The following ADGRL2 variants were observed in gnomAD, a reference collection of about 807,000 sequenced individuals.
ADGRL2 encodes calcium-independent alpha-latrotoxin receptor 2.
A neutral mutation model predicts 157.4 loss-of-function variants in ADGRL2; 44 were observed. The observed-to-expected ratio is 0.28, with a 90% CI of 0.22 to 0.36. ADGRL2 has a LOEUF of 0.36. Ranked by LOEUF, ADGRL2 falls within the 10% of genes least tolerant of loss-of-function variation. ADGRL2 has a pLI of 1.00. For synonymous variants in ADGRL2, 585 were observed against 624.7 expected (o/e 0.94, Z 0.95); for missense variants, 1,510 against 1,768.9 (o/e 0.85, Z 2.63).
intron 1 of ADGRL2, among the ~76,000 whole-genome samples, chr1:81,333,439 G>A (rs570650452): frequency 4.6e-5 from 7 of 151,070 alleles, no homozygotes; most frequent in East Asian, 3.9e-4. Context: ...TTTTTGAGAC[G>A]GAGTCTCACT....
chr1:81,834,390 G>A (rs17107277), intron 1 of ADGRL2, among the ~76,000 whole-genome samples: 2,710 of 152,192 alleles, frequency 0.018, 74 homozygotes, highest in African/African-American at 0.062. Flanking sequence ...GAATTTGAAG[G>A]ACAAATGTTA....
At chr1:81,662,165 C>T (rs191961471) in intron 3 of ADGRL2, among the ~76,000 whole-genome samples, 15 of 151,844 alleles carry the variant, frequency 9.9e-5, no homozygotes, top group Non-Finnish European at 2.1e-4. Flanking sequence ...TCCAGTTATA[C>T]TCTTTAAGTT....
intron 17 of ADGRL2, among the ~76,000 whole-genome samples, chr1:81,974,949 G>A (rs1321375370): frequency 6.6e-6 from 1 of 151,548 alleles, no homozygotes; most frequent in African/African-American, 2.4e-5. Flanking sequence ...CTTTGTCAGT[G>A]GGAGAGAAAA....
intron 2 of ADGRL2, among the ~76,000 whole-genome samples, chr1:81,841,045 G>A (rs560104365): frequency 6.6e-6 from 1 of 152,214 alleles, no homozygotes; most frequent in Admixed American, 6.5e-5. Flanking sequence ...ACACATGAAG[G>A]CTTGCTCAAG....
rs1249405602 is a variant in ADGRL2 at position 81,993,425 on chromosome 1, T to C, written c.*2280T>C. ...AGAGTCAGGCTGGTTCAGTAATAAA[T>C]TTTTTTAAAGGCAACACTGATTATT... On this transcript the variant is annotated 3_prime_UTR_variant, in exon 24 of 24. Coordinates refer to ENST00000686636, the MANE Select transcript of ADGRL2 (RefSeq NM_001366006.2). Among the ~76,000 whole-genome samples the C allele has an allele frequency of 2.0e-5, 3 of 151,930 alleles. No homozygotes were observed. The highest frequency in any genetic ancestry group is 7.3e-5 in the African/African-American group (3 of 41,340).
At chr1:81,381,770 T>C (rs919801873) in intron 1 of ADGRL2, among the ~76,000 whole-genome samples, 2 of 152,170 alleles carry the variant, frequency 1.3e-5, no homozygotes, top group Non-Finnish European at 2.9e-5. Flanking sequence ...AATTAAACCT[T>C]ATGTGGTTGT....
intron 2 of ADGRL2, among the ~76,000 whole-genome samples, chr1:81,461,927 G>A (rs4515836): frequency 2.5e-5 from 1 of 39,544 alleles, no homozygotes; most frequent in Admixed American, 2.7e-4. Flanking sequence ...AAGAAAAGAA[G>A]AAAGGGGGGG....
At chr1:81,803,755 C>T (rs1364098650) in intron 1 of ADGRL2, among the ~76,000 whole-genome samples, 2 of 152,160 alleles carry the variant, frequency 1.3e-5, no homozygotes, top group African/African-American at 4.8e-5. Context: ...CTCTTCCCCA[C>T]CCCGCCCTCA....
chr1:81,643,813 G>A (rs751485925), intron 3 of ADGRL2, among the ~76,000 whole-genome samples: 5 of 152,202 alleles, frequency 3.3e-5, no homozygotes, highest in Admixed American at 1.3e-4. Flanking sequence ...TTGCCAAGAT[G>A]TCAGTTCTTC....
chr1:81,529,144 G>C (rs1433675306), intron 2 of ADGRL2, among the ~76,000 whole-genome samples: 2 of 152,240 alleles, frequency 1.3e-5, no homozygotes, highest in Admixed American at 1.3e-4. Flanking sequence ...TGCTGTTTGA[G>C]GGAGCTAACC....
At chr1:81,514,487 A>G (rs1375061183) in intron 2 of ADGRL2, 1 of 152,206 alleles carries the variant, frequency 6.6e-6, no homozygotes, top group East Asian at 1.9e-4. Context: ...TGGCTATCCC[A>G]TTTCTAAATC....
chr1:81,722,291 T>TAAA, intron 1 of ADGRL2: 1 of 446,458 alleles, frequency 2.2e-6, no homozygotes, highest in Non-Finnish European at 4.1e-6. Context: ...AGACTCCGTC[T>TAAA]AAAAAAAAAA....
chr1:81,396,115 C>A (rs2076650861), intron 1 of ADGRL2, among the ~76,000 whole-genome samples: 1 of 152,228 alleles, frequency 6.6e-6, no homozygotes, highest in South Asian at 2.1e-4. Flanking sequence ...GTCATTTTTA[C>A]AATGTTAATT....
chr1:81,450,762 AG>A (rs1233998375), intron 2 of ADGRL2, among the ~76,000 whole-genome samples: 1 of 152,082 alleles, frequency 6.6e-6, no homozygotes, highest in African/African-American at 2.4e-5. Context: ...TGAATATTTG[AG>A]CAAGCAAGTG....
chr1:81,677,198 G>A (rs1465167046), intron 3 of ADGRL2, among the ~76,000 whole-genome samples: 2 of 151,618 alleles, frequency 1.3e-5, no homozygotes, highest in South Asian at 2.1e-4. Flanking sequence ...TTGTCCAGGC[G>A]GGTTTCAAAC....
intron 1 of ADGRL2, among the ~76,000 whole-genome samples, chr1:81,400,696 A>T (rs545632366): frequency 6.6e-6 from 1 of 152,150 alleles, no homozygotes; most frequent in African/African-American, 2.4e-5. Context: ...AGCAGCAGCA[A>T]GTACCCCAGA....
At chr1:81,361,475 G>A (rs999223155) in intron 1 of ADGRL2, among the ~76,000 whole-genome samples, 3 of 151,784 alleles carry the variant, frequency 2.0e-5, no homozygotes, top group African/African-American at 7.3e-5. Context: ...TTCTAAGCAG[G>A]GTGGTCAAAG....
intron 1 of ADGRL2, among the ~76,000 whole-genome samples, chr1:81,705,133 A>G (rs905955387): frequency 2.0e-5 from 3 of 151,876 alleles, no homozygotes; most frequent in African/African-American, 4.8e-5. Flanking sequence ...GCTCACTGCA[A>G]CCTCCACCTC....
intron 1 of ADGRL2, among the ~76,000 whole-genome samples, chr1:81,437,685 C>A (rs1217804445): frequency 6.6e-6 from 1 of 152,150 alleles, no homozygotes; most frequent in African/African-American, 2.4e-5. Flanking sequence ...ATGATTGTCC[C>A]TTCTGAGGCC....
Sources: gnomAD v4.1 joint callset for allele counts (sites outside exome capture counted in the v4.1 genomes callset) on GRCh38, gnomAD v4.1.1 for gene constraint, MANE v1.5 for transcripts, NCBI Gene and HGNC (gene_info 2026-07-23, HGNC 2026-07-21) for gene names.